IL36B: variants seen among roughly 807,000 people sequenced by gnomAD.
The protein encoded by IL36B is interleukin-36 beta.
A neutral mutation model predicts 19.3 loss-of-function variants in IL36B; 23 were observed. The ratio of observed to expected loss-of-function variants is 1.19; its 90% CI spans 0.86 to 1.69. The LOEUF (loss-of-function observed/expected upper bound fraction) is 1.69. Among genes scored for constraint, IL36B ranks in the 40% most tolerant of loss-of-function variants. The pLI, the probability that IL36B is intolerant of heterozygous loss-of-function variation, is 0.00. For synonymous variants in IL36B, 59 were observed against 59.7 expected, an observed-to-expected ratio of 0.99 and a Z score of 0.05; for missense variants, 217 against 200.5, an observed-to-expected ratio of 1.08 and a Z score of -0.50.
intron 3 of IL36B, 136 bp from the exon 4 acceptor site, chr2:113,029,214 A>AC: frequency 1.2e-6 from 1 of 829,540 alleles, no homozygotes; most frequent in Non-Finnish European, 1.8e-6. Flanking sequence ...CCCTCCTCAA[A>AC]CCTATTTTGT....
At chr2:113,046,463 C>T (rs1205052801) in intron 1 of IL36B, among the ~76,000 whole-genome samples, 2 of 152,052 alleles carry the variant, frequency 1.3e-5, no homozygotes, top group Admixed American at 1.3e-4. Context: ...CCCACCTCGG[C>T]CCCCAAAGTG....
At chr2:113,039,252 C>T (rs929117413) in intron 1 of IL36B, among the ~76,000 whole-genome samples, 1 of 152,038 alleles carries the variant, frequency 6.6e-6, no homozygotes, top group African/African-American at 2.4e-5. Context: ...CTCACTAAGA[C>T]AATTATAAGA....
intron 4 of IL36B, chr2:113,027,619 G>T: frequency 8.0e-7 from 1 of 1,242,784 alleles, no homozygotes; most frequent in Non-Finnish European, 1.0e-6. Flanking sequence ...CAGCATTTGG[G>T]GGGTTGACTA....
intron 4 of IL36B, 101 bp downstream of exon 4, chr2:113,028,838 A>T: frequency 8.2e-7 from 1 of 1,215,294 alleles, no homozygotes; most frequent in South Asian, 1.8e-5. Context: ...TACATTGAAT[A>T]GTCCAGGGTT....
At chr2:113,028,853 G>A in intron 4 of IL36B, 86 bp downstream of exon 4, 1 of 1,404,232 alleles carries the variant, frequency 7.1e-7, no homozygotes, top group Non-Finnish European at 9.8e-7. Flanking sequence ...AGGGTTGCAA[G>A]CATATTATTT....
chr2:113,040,135 A>G (rs150761350), intron 1 of IL36B, among the ~76,000 whole-genome samples: 36 of 152,378 alleles, frequency 2.4e-4, no homozygotes, highest in Non-Finnish European at 4.4e-4. Context: ...TGTAAAGCAG[A>G]ACTACATTAA....
At chr2:113,050,446 G>A (rs1366098893) in intron 1 of IL36B, among the ~76,000 whole-genome samples, 2 of 152,154 alleles carry the variant, frequency 1.3e-5, no homozygotes, top group Admixed American at 6.5e-5. Context: ...GGGGCCGCTG[G>A]GGAGAGGGGA....
intron 5 of IL36B, among the ~76,000 whole-genome samples, chr2:113,023,267 A>ACC (rs1684894314): frequency 6.6e-6 from 1 of 152,196 alleles, no homozygotes; most frequent in African/African-American, 2.4e-5. Context: ...TGCTCAAAAC[A>ACC]TATTTGTTGA....
chr2:113,051,582 C>T (rs1380564290), intron 1 of IL36B, among the ~76,000 whole-genome samples: 2 of 152,202 alleles, frequency 1.3e-5, no homozygotes, highest in East Asian at 3.9e-4. Context: ...TGGCCTCTGG[C>T]TCAGCACCCA....
chr2:113,024,875 G>A (rs1684926478), intron 5 of IL36B, among the ~76,000 whole-genome samples: 3 of 152,188 alleles, frequency 2.0e-5, no homozygotes, highest in Admixed American at 2.0e-4. Flanking sequence ...GAAAACCTAT[G>A]TACTACGTAT....
At chr2:113,045,243 G>T (rs750567038) in intron 1 of IL36B, among the ~76,000 whole-genome samples, 5 of 151,950 alleles carry the variant, frequency 3.3e-5, no homozygotes, top group Non-Finnish European at 7.4e-5. Flanking sequence ...GGTTATAACC[G>T]CAAAAGCATA....
intron 1 of IL36B, among the ~76,000 whole-genome samples, chr2:113,048,166 G>T (rs1685379564): frequency 6.6e-6 from 1 of 152,212 alleles, no homozygotes; most frequent in Non-Finnish European, 1.5e-5. Context: ...GGTGGAGAAA[G>T]ATGTATCATG....
intron 1 of IL36B, among the ~76,000 whole-genome samples, chr2:113,050,215 TC>T (rs1348037993): frequency 6.6e-6 from 1 of 152,068 alleles, no homozygotes; most frequent in Non-Finnish European, 1.5e-5. Context: ...CAAGTGTCCA[TC>T]GACAGATGAA....
intron 5 of IL36B, chr2:113,022,890 T>C (rs1481402507): frequency 1.5e-6 from 1 of 676,088 alleles, no homozygotes; most frequent in African/African-American, 1.8e-5. Flanking sequence ...CTGGAGGAGA[T>C]TGGAGTTTGC....
At position 113,029,051 on chromosome 2, in the gene IL36B, T is replaced by A; in HGVS notation, c.149A>T (p.Asp50Val). ...CTTTTCCTTGTCACTGAATTCTGTGTCTCTACAGGCTATTAAATGAAGAGT... is the reference window on the plus strand; with the variant it reads ...CTTTTCCTTGTCACTGAATTCTGTGACTCTACAGGCTATTAAATGAAGAGT... The change falls in exon 4 of 6, where the codon GAC becomes GTC. Residue 50 changes from aspartate to valine, a missense_variant. Transcript: ENST00000259213. The A allele has an allele frequency of 6.2e-7, 1 of 1,613,656 alleles. No individual in the cohort carries two copies. Among genetic ancestry groups the A allele is most frequent in the Non-Finnish European group, 8.5e-7 (1 of 1,179,770 alleles).
At chr2:113,031,239 G>A (rs1033360416) in intron 2 of IL36B, 84 bp from the exon 3 acceptor site, 1 of 875,208 alleles carries the variant, frequency 1.1e-6, no homozygotes, top group South Asian at 1.4e-5. Context: ...AATGGCTTTT[G>A]AGTTTCTGGA....
At chr2:113,025,391 G>A (rs1242613453) in intron 5 of IL36B, among the ~76,000 whole-genome samples, 1 of 152,214 alleles carries the variant, frequency 6.6e-6, no homozygotes. Context: ...ATGGGAAGAT[G>A]CTAATACATG....
intron 4 of IL36B, among the ~76,000 whole-genome samples, chr2:113,027,164 G>T (rs1477377449): frequency 6.7e-6 from 1 of 150,082 alleles, no homozygotes; most frequent in East Asian, 1.9e-4. Context: ...CATTAAGTGG[G>T]AGTGGATCAT....
intron 2 of IL36B, among the ~76,000 whole-genome samples, 186 bp downstream of exon 2, chr2:113,031,511 C>A (rs1685075575): frequency 6.6e-6 from 1 of 152,060 alleles, no homozygotes; most frequent in African/African-American, 2.4e-5. Context: ...ACAAGCAATT[C>A]TAAATACAGA....
Sources: gnomAD v4.1 joint callset for allele counts (sites outside exome capture counted in the v4.1 genomes callset) on GRCh38, gnomAD v4.1.1 for gene constraint, MANE v1.5 for transcripts, NCBI Gene and HGNC (gene_info 2026-07-23, HGNC 2026-07-21) for gene names.